Variants in OTOF observed in about 807,000 individuals in gnomAD.
OTOF encodes the protein fer-1-like family member 2.
In OTOF, 218 loss-of-function variants were observed where a neutral mutation model predicts 236.8. The ratio of observed to expected loss-of-function variants is 0.92; its 90% confidence interval spans 0.82 to 1.03. OTOF has a LOEUF of 1.03. Among genes scored for constraint, OTOF ranks in the 50% least tolerant of loss-of-function variants. The pLI is 0.00. For missense variants in OTOF, 2,590 were observed against 2,694.4 expected (o/e 0.96, Z 0.86); for synonymous variants, 1,041 against 1,072.5 (o/e 0.97, Z 0.57).
chr2:26,494,510 C>T (rs759798063), intron 9 of OTOF, among the ~76,000 whole-genome samples: 9 of 152,200 alleles, frequency 5.9e-5, no homozygotes, highest in Non-Finnish European at 1.2e-4. Flanking sequence ...TTTGGATGGT[C>T]CAGTTCAGAA....
intron 1 of OTOF, among the ~76,000 whole-genome samples, chr2:26,547,751 G>C (rs1667368765): frequency 6.6e-6 from 1 of 152,212 alleles, no homozygotes; most frequent in African/African-American, 2.4e-5. Context: ...TGAGGCAGGA[G>C]AATCACTTGA....
rs1667180329 is a variant in OTOF at position 26,540,259 on chromosome 2, C to A, written c.80-2485G>T. ...AAGACGAATACCTTTAAATCTCCAC[C>A]AGCATAAACCATTTCATTGAAGGGC... On this transcript the variant is annotated intron_variant, in intron 1 of 46. Transcript: ENST00000272371. 2.6e-5 allele frequency among the ~76,000 whole-genome samples: 4 copies of A among 152,174 alleles called. No individual in the cohort carries two copies. In the South Asian group the frequency reaches 8.3e-4, roughly 32 times the overall value.
chr2:26,486,666 A>T (rs1331252556), intron 11 of OTOF, among the ~76,000 whole-genome samples: 1 of 152,228 alleles, frequency 6.6e-6, no homozygotes, highest in Non-Finnish European at 1.5e-5. Context: ...AAGTGAAGAT[A>T]TCTAAAATAA....
Position 26,473,591 on chromosome 2 carries a change from G to T in OTOF, c.3409-24C>A. The T allele has an allele frequency of 6.3e-7, 1 of 1,584,510 alleles. No homozygotes were observed. On this transcript the variant is annotated intron_variant, in intron 27 of 46. Coordinates refer to ENST00000272371, the MANE Select transcript of OTOF (RefSeq NM_194248.3). This position sits in a 1 kb window ranked among gnomAD's most constrained non-coding sequence, Gnocchi z 7.2. ...ACCTGGGAGAGGTTGGAGGGTGGGT[G>T]CAGAGAAGAGAGCCCCTTAGTCAAG... is the stretch of plus-strand genomic sequence containing the variant.
At chr2:26,534,421 G>A (rs982472702) in intron 2 of OTOF, among the ~76,000 whole-genome samples, 56 of 152,122 alleles carry the variant, frequency 3.7e-4, no homozygotes, top group African/African-American at 1.4e-3. Context: ...TAAATGTAGG[G>A]GCTCAGGTTC....
chr2:26,552,800 C>G (rs186200491), intron 1 of OTOF, among the ~76,000 whole-genome samples: 1 of 152,116 alleles, frequency 6.6e-6, no homozygotes, highest in South Asian at 2.1e-4. Flanking sequence ...AAAACAAAAG[C>G]GCAGGGCTGT....
At chr2:26,483,265 C>T (rs888765367) in intron 13 of OTOF, among the ~76,000 whole-genome samples, 197 bp downstream of exon 13, 18 of 152,052 alleles carry the variant, frequency 1.2e-4, no homozygotes, top group Non-Finnish European at 2.1e-4. Flanking sequence ...CCCAGCCTCT[C>T]CTCCCTCTCA....
At chr2:26,548,299 T>TG (rs1246078424) in intron 1 of OTOF, among the ~76,000 whole-genome samples, 5 of 152,212 alleles carry the variant, frequency 3.3e-5, no homozygotes, top group Admixed American at 2.6e-4. Context: ...TTTAATTTGG[T>TG]GGGGGGTGTT....
chr2:26,470,555 G>A lies in OTOF; in HGVS notation c.4023+38C>T. ...AGCTGGACAGGAGGGTCTGAGTGTG[G>A]AGGGGGTCACCTCCCCTCACCCTAC... On this transcript the variant is annotated intron_variant, in intron 32 of 46. Transcript: ENST00000272371. The surrounding 1 kb of genome is among the most constrained non-coding windows in gnomAD (Gnocchi z 4.3). The A allele has an allele frequency of 6.2e-7, 1 of 1,607,232 alleles. No individual in the cohort carries two copies. The highest frequency in any genetic ancestry group is 1.1e-5 in the South Asian group (1 of 90,968).
intron 1 of OTOF, among the ~76,000 whole-genome samples, chr2:26,555,366 TG>T (rs1440565906): frequency 2.0e-5 from 3 of 152,226 alleles, no homozygotes; most frequent in African/African-American, 4.8e-5. Context: ...CCAATGGGAT[TG>T]TGACTCCTGG....
In OTOF at chr2:26,461,198, C is replaced by T. The variant is rs1010274869; in HGVS notation, c.5534-168G>A. ...CAACTGGCCTCAATGCAGGCATCCT[C>T]GTGGGCTTGCTAGGCAGCCCCAGCC... On this transcript the variant is annotated intron_variant, in intron 43 of 46. Transcript: ENST00000272371. This position sits in a 1 kb window ranked among gnomAD's most constrained non-coding sequence, Gnocchi z 6.2. 4.6e-5 allele frequency among the ~76,000 whole-genome samples: 7 copies of T among 152,268 alleles called. No individual in the cohort carries two copies. The highest frequency in any genetic ancestry group is 6.5e-5 in the Admixed American group (1 of 15,310).
chr2:26,466,960 C>A, intron 35 of OTOF, 109 bp from the exon 36 acceptor site: 1 of 1,566,662 alleles, frequency 6.4e-7, no homozygotes, highest in Non-Finnish European at 8.8e-7. Context: ...GGGCCTTCAC[C>A]CTTTAACTGC....
chr2:26,467,889 G>A (rs1200169234), intron 33 of OTOF, among the ~76,000 whole-genome samples: 4 of 152,242 alleles, frequency 2.6e-5, no homozygotes, highest in Non-Finnish European at 5.9e-5. Flanking sequence ...ACCTGGTGCA[G>A]ATGCTGCTGG....
intron 1 of OTOF, among the ~76,000 whole-genome samples, chr2:26,558,026 C>T (rs551988813): frequency 1.3e-5 from 2 of 152,052 alleles, no homozygotes; most frequent in South Asian, 2.1e-4. Context: ...CCAACAGTGT[C>T]CCCCATCACT....
intron 36 of OTOF, 129 bp from the exon 37 acceptor site, chr2:26,466,205 C>T (rs2148028544): frequency 8.4e-7 from 1 of 1,183,742 alleles, no homozygotes; most frequent in Non-Finnish European, 1.2e-6. Flanking sequence ...CCTCAGGAGG[C>T]TTGCTGTGTG....
At chr2:26,527,650 G>C (rs947661726) in intron 3 of OTOF, among the ~76,000 whole-genome samples, 182 bp downstream of exon 3, 2 of 152,212 alleles carry the variant, frequency 1.3e-5, no homozygotes, top group African/African-American at 4.8e-5. Flanking sequence ...CTGAAGACAA[G>C]AAGAGGGATC....
At chr2:26,537,913 C>T (rs1003555834) in intron 1 of OTOF, 139 bp from the exon 2 acceptor site, 3 of 717,152 alleles carry the variant, frequency 4.2e-6, no homozygotes, top group Admixed American at 4.0e-5. Context: ...TTGCTCACCT[C>T]TCCCAGGGTG....
At chr2:26,553,843 C>T (rs550355881) in intron 1 of OTOF, among the ~76,000 whole-genome samples, 186 of 152,276 alleles carry the variant, frequency 1.2e-3, no homozygotes, top group African/African-American at 4.4e-3. Flanking sequence ...ATCCCTCTTG[C>T]TTCCCACCTA....
At chr2:26,503,087 G>T (rs2148079281) in intron 6 of OTOF, among the ~76,000 whole-genome samples, 1 of 152,342 alleles carries the variant, frequency 6.6e-6, no homozygotes, top group Middle Eastern at 3.4e-3. Flanking sequence ...AAGAGGGTGG[G>T]GGAGAGAGCC....
Sources: gnomAD v4.1 joint callset for allele counts (sites outside exome capture counted in the v4.1 genomes callset) on GRCh38, gnomAD v4.1.1 for gene constraint, Gnocchi (gnomAD v3.1) non-coding constraint, MANE v1.5 for transcripts, NCBI Gene and HGNC (gene_info 2026-07-23, HGNC 2026-07-21) for gene names.